Variants in PPP1R21 observed in about 807,000 individuals in gnomAD.
PPP1R21 encodes KLRAQ motif containing 1.
PPP1R21 carries 85 observed loss-of-function variants against 112.8 expected under a neutral mutation model. That is an observed-to-expected ratio of 0.75 (90% CI 0.63 to 0.90). PPP1R21 has a LOEUF of 0.90. Among genes scored for constraint, PPP1R21 ranks in the 40% least tolerant of loss-of-function variants. The pLI is 0.00. For missense variants in PPP1R21, 1,199 were observed against 901.5 expected, an observed-to-expected ratio of 1.33 and a Z score of -4.23; for synonymous variants, 381 against 322.3, an observed-to-expected ratio of 1.18 and a Z score of -1.95.
At chr2:48,448,070 A>T (rs191184226) in intron 1 of PPP1R21, among the ~76,000 whole-genome samples, 9 of 152,312 alleles carry the variant, frequency 5.9e-5, no homozygotes, top group African/African-American at 2.2e-4. Context: ...TGATGCTGAA[A>T]TGCAGAAAAA....
In PPP1R21 at chr2:48,485,890, A is replaced by G. The variant is rs1407511838; in HGVS notation, c.1319-741A>G. Among the ~76,000 whole-genome samples, 3 of 146,592 alleles carry G rather than the reference A, an allele frequency of 2.0e-5. No homozygotes were observed. In the East Asian group the frequency reaches 5.9e-4, roughly 29 times the overall value. On this transcript the variant is annotated intron_variant, in intron 13 of 21. Coordinates refer to ENST00000294952, the MANE Select transcript of PPP1R21 (RefSeq NM_001135629.3). ...ACTAATATATACAATTGTATATACT[A>G]ACTAATATATACAATTGTATATACT... is the stretch of plus-strand genomic sequence containing the variant.
At chr2:48,447,946 T>A (rs1274036411) in intron 1 of PPP1R21, among the ~76,000 whole-genome samples, 1 of 151,388 alleles carries the variant, frequency 6.6e-6, no homozygotes, top group African/African-American at 2.4e-5. Flanking sequence ...CGAGACTCAG[T>A]CTCAAAATAA....
chr2:48,450,849 T>C (rs1051953436), intron 1 of PPP1R21, among the ~76,000 whole-genome samples, 159 bp from the exon 2 acceptor site: 1 of 152,176 alleles, frequency 6.6e-6, no homozygotes, highest in African/African-American at 2.4e-5. Context: ...ATTATTGTTA[T>C]CTACTACCCT....
At chr2:48,482,645 G>GTTTT (rs200292830) in intron 13 of PPP1R21, among the ~76,000 whole-genome samples, 2 of 126,568 alleles carry the variant, frequency 1.6e-5, no homozygotes, top group African/African-American at 3.0e-5. Flanking sequence ...TAAAGACACT[G>GTTTT]TTTTTTTTTT....
intron 17 of PPP1R21, among the ~76,000 whole-genome samples, chr2:48,502,774 G>A (rs963343571): frequency 5.6e-5 from 8 of 143,802 alleles, no homozygotes; most frequent in Non-Finnish European, 1.0e-4. Flanking sequence ...TCCGCTTCCC[G>A]GGTTCACGCC....
At position 48,458,201 on chromosome 2, in the gene PPP1R21, G is replaced by A; in HGVS notation, c.349G>A (p.Glu117Lys). 1 of 1,611,352 alleles carries A rather than the reference G, an allele frequency of 6.2e-7. No homozygotes were observed. Among genetic ancestry groups the A allele is most frequent in the Non-Finnish European group, 8.5e-7 (1 of 1,178,026 alleles). Residue 117 changes from glutamate to lysine, a missense_variant, in exon 4 of 22, where the codon GAA becomes AAA. Coordinates refer to ENST00000294952, the MANE Select transcript of PPP1R21 (RefSeq NM_001135629.3). ...VFDEDLQKKI[E>K]ENERLHIQFF... The stretch of plus-strand genomic sequence containing the variant: ...TGATGAAGATCTGCAAAAGAAGATA[G>A]AAGAGAATGAACGGTTGCATATACA...
intron 17 of PPP1R21, among the ~76,000 whole-genome samples, chr2:48,502,526 G>C (rs1670165463): frequency 2.0e-5 from 3 of 152,048 alleles, no homozygotes; most frequent in South Asian, 2.1e-4. Context: ...GTGTCTTTGT[G>C]TCTTTTCTGT....
intron 15 of PPP1R21, 27 bp from the exon 16 acceptor site, chr2:48,495,652 T>TA: frequency 7.2e-7 from 1 of 1,382,654 alleles, no homozygotes; most frequent in Non-Finnish European, 1.0e-6. Flanking sequence ...TATTTTTTCT[T>TA]TAATTCTTAT....
chr2:48,492,523 A>G (rs1669616783), intron 15 of PPP1R21, among the ~76,000 whole-genome samples: 1 of 152,212 alleles, frequency 6.6e-6, no homozygotes, highest in Admixed American at 6.5e-5. Context: ...GTTTCCCTTA[A>G]TTGGTAGGCA....
intron 9 of PPP1R21, among the ~76,000 whole-genome samples, chr2:48,467,109 C>T (rs972615492): frequency 6.6e-6 from 1 of 152,108 alleles, no homozygotes; most frequent in African/African-American, 2.4e-5. Flanking sequence ...TATAGTTGAC[C>T]TTTTTCCTTC....
At chr2:48,505,195 A>C (rs533243155) in intron 17 of PPP1R21, among the ~76,000 whole-genome samples, 96 of 152,346 alleles carry the variant, frequency 6.3e-4, no homozygotes, top group Admixed American at 1.5e-3. Context: ...TATTATGGTC[A>C]CCGTAAAAAC....
intron 13 of PPP1R21, 80 bp from the exon 14 acceptor site, chr2:48,486,551 T>G: frequency 9.4e-7 from 1 of 1,061,830 alleles, no homozygotes; most frequent in Non-Finnish European, 1.4e-6. Context: ...GAAGAATAGA[T>G]AGGAGAAGTG....
chr2:48,448,206 T>C (rs562762239), intron 1 of PPP1R21, among the ~76,000 whole-genome samples: 1 of 152,348 alleles, frequency 6.6e-6, no homozygotes, highest in East Asian at 1.9e-4. Context: ...AGCTGCATTG[T>C]CTGTTAAATG....
In PPP1R21 at chr2:48,461,133, TGC is replaced by T; in HGVS notation, c.600-4_600-3del. On this transcript the variant is annotated splice_region_variant and splice_polypyrimidine_tract_variant and intron_variant, in intron 6 of 21. Coordinates refer to ENST00000294952, the MANE Select transcript of PPP1R21 (RefSeq NM_001135629.3). ...TGTGGTTTTGTATTTTTTTTTTTTT[TGC>T]AGTCAATTACAGTTAAAGACTCTTC... is the stretch of plus-strand genomic sequence containing the variant. 2 of 1,570,200 alleles carry T rather than the reference TGC, an allele frequency of 1.3e-6. No individual in the cohort carries two copies. Among genetic ancestry groups the T allele is most frequent in the Non-Finnish European group, 1.7e-6 (2 of 1,167,222 alleles).
intron 9 of PPP1R21, among the ~76,000 whole-genome samples, chr2:48,467,651 T>C (rs7355307): frequency 0.97 from 148,249 of 152,312 alleles, 72,303 homozygotes; most frequent in Middle Eastern, 0.99. Context: ...TTTCTCATAG[T>C]GAGCGATCTA....
At chr2:48,494,737 G>A (rs1201577501) in intron 15 of PPP1R21, among the ~76,000 whole-genome samples, 1 of 142,090 alleles carries the variant, frequency 7.0e-6, no homozygotes, top group Admixed American at 7.1e-5. Context: ...TTTTTGAGAT[G>A]GAGTCTTACT....
intron 9 of PPP1R21, among the ~76,000 whole-genome samples, chr2:48,469,542 TATATATATATAGAGAGAGAGAGAGC>T (rs1668413078): frequency 8.9e-6 from 1 of 112,874 alleles, no homozygotes; most frequent in Non-Finnish European, 1.8e-5. Flanking sequence ...ATATAGAGCA[TATATATATATAGAGAGAGAGAGAGC>T]ATATATATAT....
At chr2:48,460,931 A>G (rs973885497) in intron 6 of PPP1R21, among the ~76,000 whole-genome samples, 1 of 152,202 alleles carries the variant, frequency 6.6e-6, no homozygotes, top group East Asian at 1.9e-4. Flanking sequence ...CCAAACTTCC[A>G]CATCATTCTC....
At chr2:48,478,609 C>G (rs1275630307) in intron 12 of PPP1R21, among the ~76,000 whole-genome samples, 2 of 152,170 alleles carry the variant, frequency 1.3e-5, no homozygotes, top group East Asian at 3.9e-4. Context: ...AGTTTGGGCT[C>G]TTTTACGGGT....
Sources: allele counts gnomAD v4.1 joint callset (sites outside exome capture counted in the v4.1 genomes callset), GRCh38; gene constraint gnomAD v4.1.1; transcripts MANE v1.5; gene names NCBI Gene and HGNC (gene_info 2026-07-23, HGNC 2026-07-21).